ADARB2: variants seen among roughly 807,000 people sequenced by gnomAD.
ADARB2 encodes inactive double-stranded RNA-specific editase B2.
In ADARB2, 25 loss-of-function variants were observed where a neutral mutation model predicts 62.2. The ratio of observed to expected loss-of-function variants is 0.40; its 90% confidence interval spans 0.29 to 0.56. The LOEUF is 0.56. Among genes scored for constraint, ADARB2 ranks in the 20% least tolerant of loss-of-function variants. The pLI is 0.43. For missense variants in ADARB2, 1,071 were observed against 1,077.4 expected, an observed-to-expected ratio of 0.99 and a Z score of 0.08; for synonymous variants, 572 against 500.8, an observed-to-expected ratio of 1.14 and a Z score of -1.90.
chr10:1,642,895 G>A (rs1019993826), intron 1 of ADARB2, among the ~76,000 whole-genome samples: 1 of 152,158 alleles, frequency 6.6e-6, no homozygotes, highest in East Asian at 1.9e-4. Flanking sequence ...AGAGGCAGAC[G>A]GCCTGCACAC....
At chr10:1,356,521 T>C (rs931904696) in intron 3 of ADARB2, among the ~76,000 whole-genome samples, 3 of 152,338 alleles carry the variant, frequency 2.0e-5, no homozygotes, top group Middle Eastern at 3.4e-3. Flanking sequence ...AACGAGGCTC[T>C]GCTTGTCCCC....
chr10:1,723,349 C>A (rs1259570831), intron 1 of ADARB2, among the ~76,000 whole-genome samples: 1 of 152,224 alleles, frequency 6.6e-6, no homozygotes. Context: ...CTGAACCCAC[C>A]TGTTCAATCC....
intron 1 of ADARB2, among the ~76,000 whole-genome samples, chr10:1,634,238 C>T (rs1454091804): frequency 1.3e-5 from 2 of 152,314 alleles, no homozygotes; most frequent in Non-Finnish European, 2.9e-5. Flanking sequence ...CAAGACCTAA[C>T]CCATCTGTGA....
rs201924278 is a variant in ADARB2 at position 1,687,334 on chromosome 10, TCTGTCACAGGGACTC to T, written c.100+49702_100+49716del. On this transcript the variant is annotated intron_variant, in intron 1 of 9. Coordinates refer to ENST00000381312, the MANE Select transcript of ADARB2 (RefSeq NM_018702.4). ...AGCCACCACGCCCAGGCGTGACATT[TCTGTCACAGGGACTC>T]CAGAGGTGGCTTCTCCTCCCTGCCT... 6.4e-3 allele frequency among the ~76,000 whole-genome samples: 970 copies of T among 152,328 alleles called. 11 individuals carry two copies. The highest frequency in any genetic ancestry group is 0.022 in the African/African-American group (921 of 41,578).
intron 1 of ADARB2, among the ~76,000 whole-genome samples, chr10:1,657,050 T>C (rs1834181363): frequency 6.6e-6 from 1 of 151,688 alleles, no homozygotes. Flanking sequence ...AAAGTTCTCA[T>C]AAAACTTAGG....
chr10:1,693,717 T>C (rs1227920916), intron 1 of ADARB2, among the ~76,000 whole-genome samples: 2 of 152,344 alleles, frequency 1.3e-5, no homozygotes, highest in Admixed American at 1.3e-4. Context: ...TTTATAATAC[T>C]AACCTAAGAC....
chr10:1,680,413 G>C (rs1335256711), intron 1 of ADARB2, among the ~76,000 whole-genome samples: 2 of 151,950 alleles, frequency 1.3e-5, no homozygotes, highest in Non-Finnish European at 2.9e-5. Flanking sequence ...ATACATACAG[G>C]GGGCAGTACA....
intron 6 of ADARB2, among the ~76,000 whole-genome samples, chr10:1,227,087 AAAC>A (rs1830754603): frequency 6.6e-6 from 1 of 152,222 alleles, no homozygotes; most frequent in African/African-American, 2.4e-5. Flanking sequence ...TTATCTAATC[AAAC>A]AACTAACTCG....
chr10:1,616,246 A>G (rs2132023835), intron 1 of ADARB2, among the ~76,000 whole-genome samples: 1 of 152,346 alleles, frequency 6.6e-6, no homozygotes, highest in East Asian at 1.9e-4. Context: ...TGAAATCATC[A>G]TTCAAAACTA....
chr10:1,243,110 A>G (rs1830943383), intron 4 of ADARB2, among the ~76,000 whole-genome samples: 2 of 152,150 alleles, frequency 1.3e-5, no homozygotes, highest in South Asian at 2.1e-4. Flanking sequence ...AGGGCTCCCT[A>G]GGGAGTCCGT....
intron 1 of ADARB2, among the ~76,000 whole-genome samples, chr10:1,576,568 G>T (rs1262819990): frequency 6.6e-6 from 1 of 152,184 alleles, no homozygotes; most frequent in African/African-American, 2.4e-5. Context: ...GGGATAAGCA[G>T]TGCTAGGTCT....
At chr10:1,520,901 T>C (rs374929521) in intron 1 of ADARB2, among the ~76,000 whole-genome samples, 29 of 152,252 alleles carry the variant, frequency 1.9e-4, no homozygotes, top group African/African-American at 6.8e-4. Flanking sequence ...AGATGGTTCC[T>C]GGACCTTTTT....
At chr10:1,533,652 G>A (rs138076164) in intron 1 of ADARB2, among the ~76,000 whole-genome samples, 2 of 152,214 alleles carry the variant, frequency 1.3e-5, no homozygotes, top group African/African-American at 4.8e-5. Context: ...ACCAGGATGA[G>A]TTAATGATTT....
At chr10:1,422,348 A>G (rs1832859068) in intron 1 of ADARB2, among the ~76,000 whole-genome samples, 1 of 152,226 alleles carries the variant, frequency 6.6e-6, no homozygotes, top group African/African-American at 2.4e-5. Flanking sequence ...CGAGGGTGGA[A>G]TAAGGACTCG....
At chr10:1,679,805 G>A (rs1004958321) in intron 1 of ADARB2, among the ~76,000 whole-genome samples, 1 of 152,208 alleles carries the variant, frequency 6.6e-6, no homozygotes, top group Non-Finnish European at 1.5e-5. Context: ...CACGGAAACT[G>A]AGTGCAGGGG....
chr10:1,440,933 CT>C (rs1174207742), intron 1 of ADARB2, among the ~76,000 whole-genome samples: 1 of 152,244 alleles, frequency 6.6e-6, no homozygotes, highest in Non-Finnish European at 1.5e-5. Context: ...TCACTCCAGC[CT>C]TTGCTAGACC....
intron 1 of ADARB2, among the ~76,000 whole-genome samples, chr10:1,425,162 G>T (rs1832884228): frequency 6.6e-6 from 1 of 152,104 alleles, no homozygotes; most frequent in Non-Finnish European, 1.5e-5. Context: ...TCTGGTCAAA[G>T]GTAACAAGCA....
At chr10:1,648,969 G>C (rs763957862) in intron 1 of ADARB2, among the ~76,000 whole-genome samples, 4 of 152,198 alleles carry the variant, frequency 2.6e-5, no homozygotes, top group Non-Finnish European at 5.9e-5. Context: ...AGCACCAGGC[G>C]GGCTGCCCCT....
At chr10:1,366,868 T>C (rs1288495033) in intron 2 of ADARB2, among the ~76,000 whole-genome samples, 6 of 152,182 alleles carry the variant, frequency 3.9e-5, no homozygotes, top group Admixed American at 1.3e-4. Context: ...GACAGGCTCT[T>C]CTGCCAGGTG....
Sources: allele counts gnomAD v4.1 joint callset (sites outside exome capture counted in the v4.1 genomes callset), GRCh38; gene constraint gnomAD v4.1.1; transcripts MANE v1.5; gene names NCBI Gene and HGNC (gene_info 2026-07-23, HGNC 2026-07-21).